The following TMEM117 variants were observed in gnomAD, a reference collection of about 807,000 sequenced individuals.
TMEM117 encodes the protein transmembrane protein 117.
TMEM117 carries 27 observed loss-of-function variants against 52.4 expected under a neutral mutation model. The observed-to-expected ratio is 0.51, with a 90% CI of 0.38 to 0.71. The LOEUF (loss-of-function observed/expected upper bound fraction) is 0.71, where lower values mean the gene tolerates loss of function less well. TMEM117 is among the 30% of genes least tolerant of loss of function. TMEM117 has a pLI of 0.00. For synonymous variants in TMEM117, 215 were observed against 206.3 expected (o/e 1.04, Z -0.36); for missense variants, 556 against 630.5 (o/e 0.88, Z 1.26).
chr12:43,829,640 G>C, the TMEM117 span, among the ~76,000 whole-genome samples: 4 of 152,188 alleles, frequency 2.6e-5, no homozygotes, highest in Admixed American at 2.0e-4. Flanking sequence ...CGAAGAAAGG[G>C]AACGTCAGCT....
At chr12:44,314,007 G>T (rs1038409876) in intron 6 of TMEM117, among the ~76,000 whole-genome samples, 1 of 151,822 alleles carries the variant, frequency 6.6e-6, no homozygotes, top group Non-Finnish European at 1.5e-5. Flanking sequence ...CTTTGGCAGA[G>T]GCTTTAGGGT....
At chr12:44,104,531 A>G (rs1947919920) in intron 3 of TMEM117, among the ~76,000 whole-genome samples, 1 of 151,718 alleles carries the variant, frequency 6.6e-6, no homozygotes, top group Non-Finnish European at 1.5e-5. Context: ...TGTGACTGGT[A>G]TTATTATCTC....
At position 44,071,587 on chromosome 12, in the gene TMEM117, A is replaced by G. The variant is rs138938628; in HGVS notation, c.411-71938A>G. On this transcript the variant is annotated intron_variant, in intron 3 of 7. Transcript: ENST00000266534. The stretch of plus-strand genomic sequence containing the variant: ...ATTTAGAGCTATAATTAAACTACTT[A>G]CAATCAGTATTCAACCAAAAACAGA... Among the ~76,000 whole-genome samples the G allele has an allele frequency of 2.3e-3, 347 of 152,318 alleles. 5 individuals carry two copies. Among genetic ancestry groups the G allele is most frequent in the African/African-American group, 8.0e-3 (333 of 41,564 alleles).
chr12:43,805,795 A>C, the TMEM117 span: 2 of 1,359,196 alleles, frequency 1.5e-6, no homozygotes, highest in South Asian at 2.3e-5. Flanking sequence ...AAAGTCCTGT[A>C]ATATTCTCCT....
chr12:44,063,117 A>G (rs1302026099), intron 3 of TMEM117, among the ~76,000 whole-genome samples: 1 of 152,232 alleles, frequency 6.6e-6, no homozygotes, highest in Non-Finnish European at 1.5e-5. Flanking sequence ...GTGACTGCTC[A>G]GAGACGTAGA....
intron 2 of TMEM117, among the ~76,000 whole-genome samples, chr12:43,881,185 ATAT>A (rs1329752651): frequency 5.9e-5 from 9 of 152,210 alleles, no homozygotes; most frequent in African/African-American, 1.9e-4. Context: ...AGGAACATAG[ATAT>A]TATTAAACAA....
In TMEM117 at chr12:43,987,279, A is replaced by G. The variant is rs545617158; in HGVS notation, c.410+42937A>G. Among the ~76,000 whole-genome samples the G allele has an allele frequency of 2.6e-5, 4 of 152,342 alleles. No individual in the cohort carries two copies. The South Asian group carries it at 8.3e-4, about 32-fold the overall frequency. On this transcript the variant is annotated intron_variant, in intron 3 of 7. Coordinates refer to ENST00000266534, the MANE Select transcript of TMEM117 (RefSeq NM_032256.3). Reference sequence around the variant, plus strand: ...GCCAACACCTTGATCTCAGACTTCTAGTCTCCAGAACTGTGAGAAAATAAA... The same window carrying G: ...GCCAACACCTTGATCTCAGACTTCTGGTCTCCAGAACTGTGAGAAAATAAA...
intron 6 of TMEM117, among the ~76,000 whole-genome samples, chr12:44,301,739 T>C (rs1178204536): frequency 2.6e-5 from 4 of 152,120 alleles, no homozygotes; most frequent in Non-Finnish European, 5.9e-5. Flanking sequence ...TATTGTAAAA[T>C]GGCCTTTCCA....
intron 6 of TMEM117, among the ~76,000 whole-genome samples, chr12:44,333,276 G>A (rs185119204): frequency 4.1e-4 from 63 of 152,124 alleles, no homozygotes; most frequent in African/African-American, 1.5e-3. Context: ...CAAACAATAT[G>A]CCAGGCCCTG....
At chr12:44,252,525 C>CAA (rs1950208104) in intron 5 of TMEM117, among the ~76,000 whole-genome samples, 1 of 151,918 alleles carries the variant, frequency 6.6e-6, no homozygotes, top group Non-Finnish European at 1.5e-5. Flanking sequence ...AACAAACAAA[C>CAA]AAAAAACAAA....
intron 6 of TMEM117, among the ~76,000 whole-genome samples, chr12:44,368,469 A>G (rs973212191): frequency 2.0e-5 from 3 of 152,170 alleles, no homozygotes; most frequent in African/African-American, 7.2e-5. Context: ...TGTAAAGTGA[A>G]TATTTTTATA....
intron 2 of TMEM117, among the ~76,000 whole-genome samples, chr12:43,927,712 A>T (rs531463291): frequency 1.3e-5 from 2 of 151,960 alleles, no homozygotes; most frequent in Non-Finnish European, 2.9e-5. Flanking sequence ...ATGTTGTCTG[A>T]AACTAATACA....
chr12:43,847,303 G>T (rs1943226818), intron 2 of TMEM117, among the ~76,000 whole-genome samples: 1 of 152,166 alleles, frequency 6.6e-6, no homozygotes, highest in South Asian at 2.1e-4. Flanking sequence ...ATATAGGCAT[G>T]GGTGAGATAA....
intron 2 of TMEM117, among the ~76,000 whole-genome samples, chr12:43,940,795 C>T (rs544003563): frequency 4.6e-4 from 70 of 152,300 alleles, no homozygotes; most frequent in African/African-American, 1.6e-3. Context: ...CCGCCTGCCT[C>T]GGCCTCCCAA....
chr12:43,800,357 A>G, the TMEM117 span: 1 of 967,144 alleles, frequency 1.0e-6, no homozygotes, highest in Non-Finnish European at 1.6e-6. Flanking sequence ...CTGAATTCGT[A>G]TCAATTACCC....
the TMEM117 span, among the ~76,000 whole-genome samples, chr12:43,822,525 A>C: frequency 2.0e-5 from 3 of 150,846 alleles, no homozygotes; most frequent in Non-Finnish European, 4.4e-5. Flanking sequence ...TCACTCTGTG[A>C]ATCCTTTCAT....
intron 3 of TMEM117, among the ~76,000 whole-genome samples, chr12:44,106,908 A>T (rs1477317101): frequency 1.3e-5 from 2 of 152,006 alleles, no homozygotes; most frequent in Non-Finnish European, 2.9e-5. Context: ...AGAGTTTATA[A>T]AGTACTTTTT....
Position 44,184,834 on chromosome 12 carries a change from C to A in TMEM117, c.511-26456C>A, listed in dbSNP as rs567983568. 1.6e-3 allele frequency among the ~76,000 whole-genome samples: 251 copies of A among 152,238 alleles called. 1 individual carries two copies. The highest frequency in any genetic ancestry group is 5.7e-3 in the African/African-American group (236 of 41,534). On this transcript the variant is annotated intron_variant, in intron 4 of 7. Transcript: ENST00000266534. ...GCTAGAAAATGCATGTTGTTTTAAG[C>A]CATTTAATTTGTGGTAATTTGTTCC... is the stretch of plus-strand genomic sequence containing the variant.
intron 4 of TMEM117, among the ~76,000 whole-genome samples, chr12:44,192,376 G>C (rs1034919589): frequency 3.9e-5 from 6 of 152,284 alleles, no homozygotes; most frequent in African/African-American, 1.4e-4. Flanking sequence ...CCAAATGCTA[G>C]TATAAGCGAA....
Sources: gnomAD v4.1 joint callset for allele counts (sites outside exome capture counted in the v4.1 genomes callset) on GRCh38, gnomAD v4.1.1 for gene constraint, MANE v1.5 for transcripts, NCBI Gene and HGNC (gene_info 2026-07-23, HGNC 2026-07-21) for gene names.